Variants in GAS2L2 observed in about 807,000 individuals in gnomAD.
GAS2L2 encodes the protein GAS2-like protein 2.
In GAS2L2, 21 loss-of-function variants were observed where a neutral mutation model predicts 35.2. That is an observed-to-expected ratio of 0.60 (90% CI 0.42 to 0.86). GAS2L2 has a LOEUF of 0.86. GAS2L2 is among the 40% of genes least tolerant of loss of function. The pLI, the probability that GAS2L2 is intolerant of heterozygous loss-of-function variation, is 0.00. For synonymous variants in GAS2L2, 490 were observed against 473.2 expected (o/e 1.04, Z -0.46); for missense variants, 1,169 against 1,144.4 (o/e 1.02, Z -0.31).
chr17:35,745,850 C>T lies in GAS2L2; in HGVS notation c.1647G>A (p.Thr549=), dbSNP rs587664663. 33 of 1,613,856 alleles carry T rather than the reference C, an allele frequency of 2.0e-5. No individual in the cohort carries two copies. The East Asian group carries it at 5.3e-4, about 26-fold the overall frequency. The change falls in exon 6 of 6, where the codon ACG becomes ACA. Residue 549 remains threonine (T), a synonymous_variant. Transcript: ENST00000604641. ...RAVTVDLAGS[T]HGDCSVEVRQ... ...TCACTTCCACAGAGCAGTCCCCATG[C>T]GTGGACCCAGCCAGGTCCACAGTGA...
chr17:35,748,491 T>C (rs2085683255), intron 3 of GAS2L2, among the ~76,000 whole-genome samples: 2 of 152,228 alleles, frequency 1.3e-5, no homozygotes, highest in Admixed American at 1.3e-4. Context: ...CCCAAGGAAA[T>C]GGCTGGGCCA....
At chr17:35,748,485 A>G (rs587614101) in intron 3 of GAS2L2, among the ~76,000 whole-genome samples, 1 of 152,362 alleles carries the variant, frequency 6.6e-6, no homozygotes, top group South Asian at 2.1e-4. Flanking sequence ...CCTGTGCCCA[A>G]GGAAATGGCT....
intron 2 of GAS2L2, among the ~76,000 whole-genome samples, chr17:35,749,427 G>T (rs587723534): frequency 4.0e-4 from 61 of 152,354 alleles, no homozygotes; most frequent in African/African-American, 1.2e-3. Flanking sequence ...GAGGTCCAGA[G>T]CTGATGGAAG....
Position 35,745,832 on chromosome 17 carries a change from C to A in GAS2L2, c.1665G>T (p.Val555=). 1 of 1,613,918 alleles carries A rather than the reference C, an allele frequency of 6.2e-7. No individual in the cohort carries two copies. Among genetic ancestry groups the A allele is most frequent in the Non-Finnish European group, 8.5e-7 (1 of 1,180,036 alleles). Residue 555 remains valine, a synonymous_variant, in exon 6 of 6, where the codon GTG becomes GTT. Transcript: ENST00000604641. ...GCTGCTGGTCCTCCTGCCTCACTTC[C>A]ACAGAGCAGTCCCCATGCGTGGACC... is the stretch of plus-strand genomic sequence containing the variant. ...LAGSTHGDCS[V]EVRQEDQQLD...
In GAS2L2 at chr17:35,749,135, T is replaced by C. The variant is rs2085687676; in HGVS notation, c.710A>G (p.Asp237Gly). ...CCGGATGAAGATGAGGGTGTTGGAG[T>C]CACCCACACGGTACTTCCCCTCAGA... is the stretch of plus-strand genomic sequence containing the variant. Reference protein sequence around the residue: ...KVSEGKYRVGDSNTLIFIRIL... With the variant: ...KVSEGKYRVGGSNTLIFIRIL... Residue 237 changes from aspartate (D) to glycine (G), a missense_variant, in exon 3 of 6, where the codon GAC becomes GGC. Physicochemically the swap from Asp to Gly is moderately conservative, Grantham distance 94. Coordinates refer to ENST00000604641, the MANE Select transcript of GAS2L2 (RefSeq NM_139285.4). 6.2e-7 allele frequency: 1 copy of C among 1,612,610 alleles called. No homozygotes were observed. The highest frequency in any genetic ancestry group is 1.3e-5 in the African/African-American group (1 of 74,938).
At chr17:35,751,600 G>C (rs2085703577) in intron 1 of GAS2L2, among the ~76,000 whole-genome samples, 1 of 151,474 alleles carries the variant, frequency 6.6e-6, no homozygotes, top group East Asian at 2.0e-4. Context: ...CCCGGGAGGT[G>C]AAGGTTGCAG....
Position 35,745,291 on chromosome 17 carries a change from G to A in GAS2L2, c.2206C>T (p.Pro736Ser), listed in dbSNP as rs1555598698. The A allele has an allele frequency of 1.2e-6, 2 of 1,612,010 alleles. No homozygotes were observed. Among genetic ancestry groups the A allele is most frequent in the Non-Finnish European group, 1.7e-6 (2 of 1,178,776 alleles). Residue 736 changes from proline (P) to serine (S), a missense_variant, in exon 6 of 6, where the codon CCG (proline) becomes TCG (serine). Around this residue, in one of 3 missense-constraint regions of GAS2L2, gnomAD observed 1,035 missense variants for 976.5 expected, o/e 1.06. Transcript: ENST00000604641. ...DCSASTVSAS[P>S]EAPTPSPLDP... ...AAGGGCGAAGGTGTGGGGGCCTCCGGGCTGGCAGACACAGTAGAAGCCGAG... is the reference window on the plus strand; with the variant it reads ...AAGGGCGAAGGTGTGGGGGCCTCCGAGCTGGCAGACACAGTAGAAGCCGAG...
Position 35,746,012 on chromosome 17 carries a change from G to A in GAS2L2, c.1485C>T (p.Thr495=), listed in dbSNP as rs782751793. The change falls in exon 6 of 6, where the codon ACC becomes ACT. Residue 495 remains threonine, a synonymous_variant. Transcript: ENST00000604641. ...FREPESVRSP[T]PVQGLTKIPI... is the part of the protein sequence containing the mutation. ...GGATCTTGGTTAGGCCTTGGACAGG[G>A]GTTGGAGAACGGACAGACTCTGGCT... 5.1e-6 allele frequency: 8 copies of A among 1,567,476 alleles called. No homozygotes were observed. In the Admixed American group the frequency reaches 1.1e-4, roughly 21 times the overall value.
Position 35,745,784 on chromosome 17 carries a change from C to T in GAS2L2, c.1713G>A (p.Glu571=). 1 of 1,613,824 alleles carries T rather than the reference C, an allele frequency of 6.2e-7. No individual in the cohort carries two copies. Among genetic ancestry groups the T allele is most frequent in the Non-Finnish European group, 8.5e-7 (1 of 1,180,040 alleles). The change falls in exon 6 of 6, where the codon GAG becomes GAA. Residue 571 remains glutamate (E), a synonymous_variant. Transcript: ENST00000604641. ...GGCCCAGGTCCCAGGACTCTCTGGC[C>T]TCTGCCATGACCTGGATGTCCAGCT... ...DQQLDIQVMA[E]ARESWDLGLQ...
chr17:35,748,051 C>T, intron 3 of GAS2L2, 106 bp from the exon 4 acceptor site: 1 of 732,254 alleles, frequency 1.4e-6, no homozygotes, highest in Non-Finnish European at 2.4e-6. Flanking sequence ...CATCCATGTA[C>T]CCATCCACAC....
chr17:35,749,174 G>A lies in GAS2L2; in HGVS notation c.671C>T (p.Ser224Phe), dbSNP rs2085688031. ...CTTCCCCTCAGACACTTTGACCATG[G>A]AGAACTGCACTGGGCACGTGCAGTG... ...VSHCTCPVQF[S>F]MVKVSEGKYR... Residue 224 changes from serine (S) to phenylalanine (F), a missense_variant, in exon 3 of 6, where the codon TCC (serine) becomes TTC (phenylalanine). Coordinates refer to ENST00000604641, the MANE Select transcript of GAS2L2 (RefSeq NM_139285.4). 1.2e-6 allele frequency: 2 copies of A among 1,614,012 alleles called. No homozygotes were observed. The highest frequency in any genetic ancestry group is 1.7e-6 in the Non-Finnish European group (2 of 1,179,958).
rs782278098 is a variant in GAS2L2, at chr17:35,747,048, C to T, written c.1053G>A (p.Thr351=). Residue 351 remains threonine, a synonymous_variant, in exon 5 of 6, where the codon ACG becomes ACA. Transcript: ENST00000604641. ...PRPRRERGAG[T]GASREMAPFL... is the part of the protein sequence containing the mutation. ...ATGGTGCCATCTCTCTGGAGGCCCC[C>T]GTCCCTGCTCCCCGTTCCCTGCGGG... 12 of 1,598,922 alleles carry T rather than the reference C, an allele frequency of 7.5e-6. No individual in the cohort carries two copies. Among genetic ancestry groups the T allele is most frequent in the Admixed American group, 5.1e-5 (3 of 58,468 alleles).
chr17:35,750,326 G>A lies in GAS2L2; in HGVS notation c.386-8C>T. On this transcript the variant is annotated splice_region_variant and splice_polypyrimidine_tract_variant and intron_variant, in intron 1 of 5. Transcript: ENST00000604641. The stretch of plus-strand genomic sequence containing the variant: ...TCTCGAACATCAGCACCTCTGGAGT[G>A]GAGGCGGGGAGAAAAGGGCAGAGGC... 6.2e-7 allele frequency: 1 copy of A among 1,613,920 alleles called. No individual in the cohort carries two copies. The highest frequency in any genetic ancestry group is 2.2e-5 in the East Asian group (1 of 44,866).
intron 1 of GAS2L2, 44 bp from the exon 2 acceptor site, chr17:35,750,362 C>G (rs373779593): frequency 4.3e-6 from 7 of 1,612,958 alleles, no homozygotes; most frequent in Admixed American, 1.7e-5. Context: ...AGCGTGAGCC[C>G]CCAGAGGACC....
chr17:35,745,463 A>T lies in GAS2L2; in HGVS notation c.2034T>A (p.Thr678=). ...GGGTAACAGCTGGCTTAGGGGAGCC[A>T]GTCGGGGCTGCCTTCCAGGCTTCCA... ...VDLEAWKAAP[T]GSPKPAVTPG... is the part of the protein sequence containing the mutation. Residue 678 remains threonine, a synonymous_variant, in exon 6 of 6, where the codon ACT becomes ACA. Transcript: ENST00000604641. 1 of 1,589,460 alleles carries T rather than the reference A, an allele frequency of 6.3e-7. No individual in the cohort carries two copies. The highest frequency in any genetic ancestry group is 8.6e-7 in the Non-Finnish European group (1 of 1,166,306).
intron 4 of GAS2L2, among the ~76,000 whole-genome samples, 176 bp from the exon 5 acceptor site, chr17:35,747,444 G>A (rs587601775): frequency 6.6e-6 from 1 of 152,160 alleles, no homozygotes; most frequent in Non-Finnish European, 1.5e-5. Flanking sequence ...CCAGCTGGGG[G>A]ATTTATTTAA....
At position 35,749,186 on chromosome 17, in the gene GAS2L2, G is replaced by C. The variant is rs1476571667; in HGVS notation, c.659C>G (p.Pro220Arg). ...CACTTTGACCATGGAGAACTGCACTGGGCACGTGCAGTGGCTCACAAGGCT... is the reference window on the plus strand; with the variant it reads ...CACTTTGACCATGGAGAACTGCACTCGGCACGTGCAGTGGCTCACAAGGCT... ...VQSLVSHCTC[P>R]VQFSMVKVSE... The change falls in exon 3 of 6, where the codon CCA (proline) becomes CGA (arginine). Residue 220 changes from proline to arginine, a missense_variant. Physicochemically the swap from Pro to Arg is moderately radical, Grantham distance 103. Coordinates refer to ENST00000604641, the MANE Select transcript of GAS2L2 (RefSeq NM_139285.4). 6.2e-7 allele frequency: 1 copy of C among 1,613,316 alleles called. No individual in the cohort carries two copies. The highest frequency in any genetic ancestry group is 8.5e-7 in the Non-Finnish European group (1 of 1,179,500).
At chr17:35,750,388 G>A in intron 1 of GAS2L2, 70 bp from the exon 2 acceptor site, 2 of 1,598,578 alleles carry the variant, frequency 1.3e-6, no homozygotes, top group Non-Finnish European at 1.7e-6. Context: ...CTCCGGGGCA[G>A]GGGCTAGCGG....
chr17:35,752,382 C>A, intron 1 of GAS2L2, 84 bp downstream of exon 1: 1 of 1,364,506 alleles, frequency 7.3e-7, no homozygotes, highest in South Asian at 1.7e-5. Flanking sequence ...TCCTGCCCCC[C>A]AGAGCTAGCC....
Sources: gnomAD v4.1 joint callset for allele counts (sites outside exome capture counted in the v4.1 genomes callset) on GRCh38, gnomAD v4.1.1 for gene constraint, gnomAD v4.1.1 regional missense constraint, MANE v1.5 for transcripts, NCBI Gene and HGNC (gene_info 2026-07-23, HGNC 2026-07-21) for gene names.